Variants in HS6ST3 observed in about 807,000 individuals in gnomAD.
The protein encoded by HS6ST3 is heparan-sulfate 6-O-sulfotransferase 3.
In HS6ST3, 12 loss-of-function variants were observed where a neutral mutation model predicts 36.7. The ratio of observed to expected loss-of-function variants is 0.33; its 90% CI spans 0.21 to 0.53. The LOEUF is 0.53. Among genes scored for constraint, HS6ST3 ranks in the 20% least tolerant of loss-of-function variants. The pLI is 0.95. For synonymous variants in HS6ST3, 240 were observed against 257.5 expected, an observed-to-expected ratio of 0.93 and a Z score of 0.65; for missense variants, 584 against 640.9, an observed-to-expected ratio of 0.91 and a Z score of 0.96.
intron 1 of HS6ST3, among the ~76,000 whole-genome samples, chr13:96,658,251 CT>C (rs1193556546): frequency 2.7e-5 from 3 of 111,110 alleles, no homozygotes; most frequent in Non-Finnish European, 5.6e-5. Flanking sequence ...TCTTCTTCTT[CT>C]TCTTCTCTTC....
intron 1 of HS6ST3, among the ~76,000 whole-genome samples, chr13:96,456,749 A>G (rs2055756257): frequency 6.6e-6 from 1 of 152,006 alleles, no homozygotes; most frequent in African/African-American, 2.4e-5. Context: ...CAATAATTTC[A>G]TTTATGTGGA....
intron 1 of HS6ST3, among the ~76,000 whole-genome samples, chr13:96,625,226 C>T (rs2056508042): frequency 6.6e-6 from 1 of 152,156 alleles, no homozygotes; most frequent in South Asian, 2.1e-4. Flanking sequence ...TCATGACACT[C>T]GTGGGAATGT....
chr13:96,402,579 T>C (rs1026453418), intron 1 of HS6ST3, among the ~76,000 whole-genome samples: 1 of 152,214 alleles, frequency 6.6e-6, no homozygotes, highest in African/African-American at 2.4e-5. Context: ...TTGCAGTCAA[T>C]ACACTGTCCC....
chr13:96,726,930 A>G (rs1327378033), intron 1 of HS6ST3, among the ~76,000 whole-genome samples: 2 of 152,144 alleles, frequency 1.3e-5, no homozygotes, highest in Non-Finnish European at 2.9e-5. Context: ...GTCCACAGCT[A>G]TATAGTAGAT....
intron 1 of HS6ST3, among the ~76,000 whole-genome samples, chr13:96,213,009 T>A (rs1227738780): frequency 6.6e-6 from 1 of 152,220 alleles, no homozygotes; most frequent in African/African-American, 2.4e-5. Context: ...AAAATATTGA[T>A]TTTTCTATAC....
chr13:96,644,132 AG>A (rs2056580066), intron 1 of HS6ST3, among the ~76,000 whole-genome samples: 1 of 152,016 alleles, frequency 6.6e-6, no homozygotes, highest in Admixed American at 6.6e-5. Context: ...GTTATCAATT[AG>A]CTAACCAACT....
chr13:96,486,766 G>T (rs1284475677), intron 1 of HS6ST3, among the ~76,000 whole-genome samples: 1 of 152,032 alleles, frequency 6.6e-6, no homozygotes, highest in Admixed American at 6.6e-5. Flanking sequence ...TAGATTGGAG[G>T]TATAGCACGA....
At chr13:96,166,618 A>G (rs2054161878) in intron 1 of HS6ST3, among the ~76,000 whole-genome samples, 1 of 117,652 alleles carries the variant, frequency 8.5e-6, no homozygotes, top group Non-Finnish European at 1.6e-5. Flanking sequence ...TGCTGTGTTG[A>G]CCAGGCTGGT....
chr13:96,483,102 T>C (rs776950860), intron 1 of HS6ST3, among the ~76,000 whole-genome samples: 1 of 152,176 alleles, frequency 6.6e-6, no homozygotes, highest in Non-Finnish European at 1.5e-5. Flanking sequence ...GAATATCACA[T>C]TCATGAAAGT....
intron 1 of HS6ST3, among the ~76,000 whole-genome samples, chr13:96,554,537 TGAA>T (rs1244546625): frequency 6.6e-6 from 1 of 152,142 alleles, no homozygotes; most frequent in African/African-American, 2.4e-5. Context: ...GCTTCTCTGG[TGAA>T]GAATCTGGGC....
At chr13:96,570,696 G>C (rs1214964672) in intron 1 of HS6ST3, among the ~76,000 whole-genome samples, 2 of 152,264 alleles carry the variant, frequency 1.3e-5, no homozygotes. Context: ...TGTTGGCAGG[G>C]GTAAAAAGTA....
rs554117277 is a variant in HS6ST3 at position 96,347,267 on chromosome 13, G to C, written c.707+255698G>C. Among the ~76,000 whole-genome samples the C allele has an allele frequency of 2.0e-4, 30 of 152,272 alleles. 1 individual carries two copies. The highest frequency in any genetic ancestry group is 7.0e-4 in the African/African-American group (29 of 41,564). ...GATAATGGATGCAGCCTGCTTTCCT[G>C]AATTTGTTTGCCAAAGCATCCATTC... On this transcript the variant is annotated intron_variant, in intron 1 of 1. Transcript: ENST00000376705.
intron 1 of HS6ST3, among the ~76,000 whole-genome samples, chr13:96,364,902 A>G (rs1168818498): frequency 6.6e-6 from 1 of 152,222 alleles, no homozygotes; most frequent in African/African-American, 2.4e-5. Context: ...CATCTGAAAG[A>G]TGAAGGAACA....
At chr13:96,361,781 G>A (rs1040058406) in intron 1 of HS6ST3, among the ~76,000 whole-genome samples, 1 of 152,192 alleles carries the variant, frequency 6.6e-6, no homozygotes, top group East Asian at 1.9e-4. Flanking sequence ...TACAGTGTCT[G>A]GCTATCTAAT....
chr13:96,726,138 T>A (rs1010415252), intron 1 of HS6ST3, among the ~76,000 whole-genome samples: 3 of 152,158 alleles, frequency 2.0e-5, no homozygotes, highest in Non-Finnish European at 2.9e-5. Context: ...GCCCGGCCTA[T>A]GATATGTTTT....
intron 1 of HS6ST3, among the ~76,000 whole-genome samples, chr13:96,249,076 G>A (rs982273343): frequency 6.6e-6 from 1 of 152,064 alleles, no homozygotes; most frequent in Admixed American, 6.6e-5. Context: ...TCTCTTCCCT[G>A]AAGACGATTT....
At chr13:96,389,091 A>G (rs2055382945) in intron 1 of HS6ST3, among the ~76,000 whole-genome samples, 1 of 152,220 alleles carries the variant, frequency 6.6e-6, no homozygotes, top group Admixed American at 6.5e-5. Context: ...ATGTAGAGAT[A>G]GAAAATTAAT....
At chr13:96,544,374 A>G (rs999253338) in intron 1 of HS6ST3, among the ~76,000 whole-genome samples, 4 of 152,336 alleles carry the variant, frequency 2.6e-5, no homozygotes, top group African/African-American at 7.2e-5. Flanking sequence ...CATGGTAGAC[A>G]TAAGTTACTT....
intron 1 of HS6ST3, among the ~76,000 whole-genome samples, chr13:96,479,401 A>G (rs547150906): frequency 1.6e-4 from 24 of 152,342 alleles, no homozygotes; most frequent in African/African-American, 5.5e-4. Context: ...GGCCATGGAA[A>G]GAGTTTCCAT....
Sources: gnomAD v4.1 joint callset for allele counts (sites outside exome capture counted in the v4.1 genomes callset) on GRCh38, gnomAD v4.1.1 for gene constraint, MANE v1.5 for transcripts, NCBI Gene and HGNC (gene_info 2026-07-23, HGNC 2026-07-21) for gene names.